Variants in SLC22A23 observed in about 807,000 individuals in gnomAD.
SLC22A23 encodes the protein ion transporter protein.
In SLC22A23, 26 loss-of-function variants were observed where a neutral mutation model predicts 61.0. That is an observed-to-expected ratio of 0.43 (90% CI 0.31 to 0.59). SLC22A23 has a LOEUF of 0.59. Ranked by LOEUF, SLC22A23 falls within the 20% of genes least tolerant of loss-of-function variation. SLC22A23 has a pLI of 0.11. For missense variants in SLC22A23, 796 were observed against 934.7 expected, an observed-to-expected ratio of 0.85 and a Z score of 1.94; for synonymous variants, 430 against 413.9, an observed-to-expected ratio of 1.04 and a Z score of -0.47.
chr6:3,425,771 A>G (rs1770450921), intron 1 of SLC22A23, among the ~76,000 whole-genome samples: 2 of 152,222 alleles, frequency 1.3e-5, no homozygotes, highest in African/African-American at 4.8e-5. Flanking sequence ...TCCATTTCAC[A>G]GATGAAGAAA....
rs186078022 is a variant in SLC22A23, at chr6:3,363,982, G to A, written c.914-39980C>T. Among the ~76,000 whole-genome samples the A allele has an allele frequency of 7.9e-5, 12 of 152,268 alleles. No homozygotes were observed. In the East Asian group the frequency reaches 1.4e-3, roughly 17 times the overall value. On this transcript the variant is annotated intron_variant, in intron 3 of 9. Coordinates refer to ENST00000406686, the MANE Select transcript of SLC22A23 (RefSeq NM_015482.2). Reference sequence around the variant, plus strand: ...GGGTGTAGTTGGGTGGGCCCCAAACGGTACTGACTTTATCTGACCTGGCCC... The same window carrying A: ...GGGTGTAGTTGGGTGGGCCCCAAACAGTACTGACTTTATCTGACCTGGCCC...
intron 1 of SLC22A23, among the ~76,000 whole-genome samples, chr6:3,428,871 T>C (rs1770674257): frequency 6.6e-6 from 1 of 152,116 alleles, no homozygotes; most frequent in Non-Finnish European, 1.5e-5. Flanking sequence ...GCGATAACAT[T>C]CAGTGAAACA....
chr6:3,443,587 A>C (rs1316388808), intron 1 of SLC22A23, among the ~76,000 whole-genome samples: 1 of 152,118 alleles, frequency 6.6e-6, no homozygotes, highest in African/African-American at 2.4e-5. Flanking sequence ...AATCATCAAT[A>C]CTCAATTACC....
intron 5 of SLC22A23, among the ~76,000 whole-genome samples, chr6:3,293,247 CAGG>C (rs1458056130): frequency 1.3e-5 from 2 of 152,078 alleles, no homozygotes; most frequent in Non-Finnish European, 2.9e-5. Flanking sequence ...GGACAAGGAG[CAGG>C]AGGAGGAGAA....
chr6:3,405,618 A>AT (rs546024248), intron 3 of SLC22A23, among the ~76,000 whole-genome samples: 53,507 of 144,386 alleles, frequency 0.37, 10,555 homozygotes, highest in African/African-American at 0.54. Context: ...GCTCAGTCAA[A>AT]TTTTTTTTTT....
rs922384891 is a variant in SLC22A23 at position 3,396,163 on chromosome 6, G to A, written c.913+14025C>T. Among the ~76,000 whole-genome samples, 8 of 152,166 alleles carry A rather than the reference G, an allele frequency of 5.3e-5. 1 individual carries two copies. Among genetic ancestry groups the A allele is most frequent in the African/African-American group, 1.9e-4 (8 of 41,424 alleles). ...GGAAGTGCTAGGAAGGGAAGAGCTG[G>A]GTAGAGGAGGGCATGGTCCCTGGCT... On this transcript the variant is annotated intron_variant, in intron 3 of 9. Coordinates refer to ENST00000406686, the MANE Select transcript of SLC22A23 (RefSeq NM_015482.2).
chr6:3,274,683 C>T (rs532751567), intron 9 of SLC22A23, among the ~76,000 whole-genome samples: 2 of 152,256 alleles, frequency 1.3e-5, no homozygotes, highest in Admixed American at 6.5e-5. Context: ...GATCAACATA[C>T]AAAAGTCAAT....
chr6:3,452,450 T>C (rs924143672), intron 1 of SLC22A23, among the ~76,000 whole-genome samples: 29 of 151,544 alleles, frequency 1.9e-4, no homozygotes, highest in African/African-American at 7.0e-4. Flanking sequence ...AAAATAAAAA[T>C]GAGCCAGGTG....
chr6:3,383,004 T>C (rs1767051145), intron 3 of SLC22A23, among the ~76,000 whole-genome samples: 1 of 152,218 alleles, frequency 6.6e-6, no homozygotes, highest in Non-Finnish European at 1.5e-5. Flanking sequence ...ACGAGCAAGA[T>C]AAACTCCTTT....
At chr6:3,407,139 A>G (rs1479971027) in intron 3 of SLC22A23, among the ~76,000 whole-genome samples, 1 of 152,234 alleles carries the variant, frequency 6.6e-6, no homozygotes, top group East Asian at 1.9e-4. Flanking sequence ...AGTTGGGGCC[A>G]TTACAAATGT....
chr6:3,312,396 CTT>C (rs922539797), intron 4 of SLC22A23: 5 of 152,132 alleles, frequency 3.3e-5, no homozygotes, highest in African/African-American at 7.2e-5. Flanking sequence ...TGGCAAATGA[CTT>C]TTAAAAAGTC....
chr6:3,301,404 AAC>A (rs1761594500), intron 4 of SLC22A23, among the ~76,000 whole-genome samples: 1 of 152,254 alleles, frequency 6.6e-6, no homozygotes, highest in African/African-American at 2.4e-5. Flanking sequence ...TTATCTAAGA[AAC>A]AATATATGAA....
chr6:3,437,948 T>C (rs1021630849), intron 1 of SLC22A23, among the ~76,000 whole-genome samples: 3 of 151,488 alleles, frequency 2.0e-5, no homozygotes, highest in Non-Finnish European at 1.5e-5. Flanking sequence ...CTCCAGAAAA[T>C]AGAATTCCAG....
chr6:3,308,172 G>A lies in SLC22A23; in HGVS notation c.1083-9954C>T, dbSNP rs1181327925. The stretch of plus-strand genomic sequence containing the variant: ...TTGTACAATTTAAAATGGTTACAGT[G>A]GAAAATTTTATGTTACGTGTATTTT... On this transcript the variant is annotated intron_variant, in intron 4 of 9. Coordinates refer to ENST00000406686, the MANE Select transcript of SLC22A23 (RefSeq NM_015482.2). The surrounding 1 kb of genome is among the most constrained non-coding windows in gnomAD (Gnocchi z 5.1). Among the ~76,000 whole-genome samples, 3 of 152,102 alleles carry A rather than the reference G, an allele frequency of 2.0e-5. No individual in the cohort carries two copies. Among genetic ancestry groups the A allele is most frequent in the Non-Finnish European group, 4.4e-5 (3 of 68,020 alleles).
At position 3,272,339 on chromosome 6, in the gene SLC22A23, T is replaced by C. The variant is rs9501973; in HGVS notation, c.*716A>G. The C allele has an allele frequency of 0.09, 13,711 of 152,764 alleles. 709 individuals carry two copies. The highest frequency in any genetic ancestry group is 0.17 in the Middle Eastern group (51 of 294). The allele number at this position is 152,764 out of a possible 1,614,324, so 9.5% of individuals were successfully genotyped here. A position where few individuals can be genotyped will look rare whatever the true frequency, so the allele number is the denominator to read the frequency against. ...ACTCACAAAGCTGTGGCGATATGACTGCTGCTCAATTAAGATTTCTGGTGA... is the reference window on the plus strand; with the variant it reads ...ACTCACAAAGCTGTGGCGATATGACCGCTGCTCAATTAAGATTTCTGGTGA... On this transcript the variant is annotated 3_prime_UTR_variant, in exon 10 of 10. Transcript: ENST00000406686.
At chr6:3,362,687 G>A (rs778841801) in intron 3 of SLC22A23, among the ~76,000 whole-genome samples, 14 of 152,200 alleles carry the variant, frequency 9.2e-5, no homozygotes, top group Admixed American at 2.0e-4. Context: ...TGGCCTCTCC[G>A]TCTCTCCACT....
chr6:3,278,273 C>T (rs979535723), intron 9 of SLC22A23, among the ~76,000 whole-genome samples: 15 of 152,334 alleles, frequency 9.8e-5, no homozygotes, highest in Admixed American at 5.9e-4. Context: ...CAGGCTGTGA[C>T]AGGCATCAGC....
In SLC22A23 at chr6:3,330,074, C is replaced by T. The variant is rs1487439568; in HGVS notation, c.914-6072G>A. 6.6e-6 allele frequency among the ~76,000 whole-genome samples: 1 copy of T among 152,214 alleles called. No individual in the cohort carries two copies. The highest frequency in any genetic ancestry group is 1.5e-5 in the Non-Finnish European group (1 of 68,034). On this transcript the variant is annotated intron_variant, in intron 3 of 9. Coordinates refer to ENST00000406686, the MANE Select transcript of SLC22A23 (RefSeq NM_015482.2). This position sits in a 1 kb window ranked among gnomAD's most constrained non-coding sequence, Gnocchi z 4.7. ...GGACACCGGGGCTTGGGGATCCCAC[C>T]GCCCTGCCCAGCCCCAGAACACACA...
chr6:3,293,173 G>A (rs893917343), intron 5 of SLC22A23, among the ~76,000 whole-genome samples: 4 of 152,198 alleles, frequency 2.6e-5, no homozygotes, highest in Non-Finnish European at 1.5e-5. Flanking sequence ...ATGCTAGTGC[G>A]TTAGGGGTGA....
Sources: gnomAD v4.1 joint callset for allele counts (sites outside exome capture counted in the v4.1 genomes callset) on GRCh38, gnomAD v4.1.1 for gene constraint, Gnocchi (gnomAD v3.1) non-coding constraint, MANE v1.5 for transcripts, NCBI Gene and HGNC (gene_info 2026-07-23, HGNC 2026-07-21) for gene names.